ZSWIM8: variants seen among roughly 807,000 people sequenced by gnomAD.
The protein encoded by ZSWIM8 is zinc finger SWIM domain-containing protein 8.
Under a neutral mutation model 173.7 loss-of-function variants are expected in ZSWIM8, and 27 were observed. The ratio of observed to expected loss-of-function variants is 0.16; its 90% CI spans 0.11 to 0.21. ZSWIM8 has a LOEUF of 0.21. ZSWIM8 is among the 10% of genes least tolerant of loss of function. The pLI is 1.00. For synonymous variants in ZSWIM8, 958 were observed against 962.0 expected, an observed-to-expected ratio of 1.00 and a Z score of 0.08; for missense variants, 1,627 against 2,428.8, an observed-to-expected ratio of 0.67 and a Z score of 6.94.
chr10:73,800,222 G>A lies in ZSWIM8; in HGVS notation c.4825+52G>A, dbSNP rs780042134. 1 of 1,611,700 alleles carries A rather than the reference G, an allele frequency of 6.2e-7. No individual in the cohort carries two copies. Among genetic ancestry groups the A allele is most frequent in the South Asian group, 1.1e-5 (1 of 91,018 alleles). On this transcript the variant is annotated intron_variant, in intron 22 of 25. Transcript: ENST00000604729. The surrounding 1 kb of genome is among the most constrained non-coding windows in gnomAD (Gnocchi z 4.1). ...GAATGGAGGGGAGGCACACTGGGCAGGGGAGGTGGGGAGGGAATGTTCTTT... is the reference window on the plus strand; with the variant it reads ...GAATGGAGGGGAGGCACACTGGGCAAGGGAGGTGGGGAGGGAATGTTCTTT...
Position 73,793,610 on chromosome 10 carries a change from C to G in ZSWIM8, c.2336C>G (p.Ala779Gly). Residue 779 changes from alanine to glycine, a missense_variant, in exon 11 of 26, where the codon GCC (alanine) becomes GGC (glycine). Around this residue, in one of 18 missense-constraint regions of ZSWIM8, gnomAD observed 383 missense variants for 394.8 expected, o/e 0.97. Transcript: ENST00000604729. ...RMEVLFACAE[A>G]LHAHGYSSEA... ...CAGGTACTGTTTGCCTGTGCTGAGGCCCTGCATGCGCATGGCTATAGCAGT... is the reference window on the plus strand; with the variant it reads ...CAGGTACTGTTTGCCTGTGCTGAGGGCCTGCATGCGCATGGCTATAGCAGT... 4.4e-6 allele frequency: 7 copies of G among 1,605,550 alleles called. No homozygotes were observed. Among genetic ancestry groups the G allele is most frequent in the Non-Finnish European group, 6.0e-6 (7 of 1,175,750 alleles).
chr10:73,788,987 G>A, intron 2 of ZSWIM8, 109 bp from the exon 3 acceptor site: 1 of 1,262,664 alleles, frequency 7.9e-7, no homozygotes, highest in South Asian at 1.3e-5. Flanking sequence ...CCCCCGCCCT[G>A]GGGAAGGAAT....
intron 15 of ZSWIM8, among the ~76,000 whole-genome samples, chr10:73,795,962 CAAAA>C (rs34801762): frequency 1.0e-4 from 6 of 58,816 alleles, no homozygotes; most frequent in Admixed American, 2.2e-4. Context: ...GACCCTGTTT[CAAAA>C]AAAAAAAAAA....
Position 73,785,807 on chromosome 10 carries a change from C to T in ZSWIM8, c.-72C>T, listed in dbSNP as rs1204935720. Reference sequence around the variant, plus strand: ...CTCGCCCCTCAGGCCCCGGGCCTCCCCTCAACCCCCGGCCGGCGGCCCAGG... The same window carrying T: ...CTCGCCCCTCAGGCCCCGGGCCTCCTCTCAACCCCCGGCCGGCGGCCCAGG... On this transcript the variant is annotated 5_prime_UTR_variant, in exon 1 of 26. Coordinates refer to ENST00000604729, the MANE Select transcript of ZSWIM8 (RefSeq NM_001367799.1). 6 of 1,455,900 alleles carry T rather than the reference C, an allele frequency of 4.1e-6. No homozygotes were observed. The highest frequency in any genetic ancestry group is 3.0e-5 in the East Asian group (1 of 33,308). 90.2% of individuals were successfully genotyped at this position (1,455,900 alleles called of 1,614,324 possible). A position where few individuals can be genotyped will look rare whatever the true frequency, so the allele number is the denominator to read the frequency against.
At chr10:73,793,428 T>C (rs1036876107) in intron 10 of ZSWIM8, among the ~76,000 whole-genome samples, 160 bp from the exon 11 acceptor site, 5 of 152,110 alleles carry the variant, frequency 3.3e-5, no homozygotes, top group Non-Finnish European at 5.9e-5. Flanking sequence ...CGGTGGCATG[T>C]GTGTTTATGT....
At chr10:73,798,793 C>G (rs2083784768) in intron 20 of ZSWIM8, among the ~76,000 whole-genome samples, 1 of 152,150 alleles carries the variant, frequency 6.6e-6, no homozygotes, top group Admixed American at 6.5e-5. Context: ...GGAACTGGGA[C>G]TATAACCTGG....
Position 73,789,592 on chromosome 10 carries a change from C to T in ZSWIM8, c.630+53C>T. On this transcript the variant is annotated intron_variant, in intron 4 of 25. Coordinates refer to ENST00000604729, the MANE Select transcript of ZSWIM8 (RefSeq NM_001367799.1). This position sits in a 1 kb window ranked among gnomAD's most constrained non-coding sequence, Gnocchi z 6.8. ...CTATCCTACACTCCATCCCCCCCTT[C>T]TCTGCTGCATGCCTGGCTACAATGT... 1 of 1,586,310 alleles carries T rather than the reference C, an allele frequency of 6.3e-7. No individual in the cohort carries two copies. Among genetic ancestry groups the T allele is most frequent in the Non-Finnish European group, 8.6e-7 (1 of 1,165,648 alleles).
Position 73,793,654 on chromosome 10 carries a change from G to A in ZSWIM8, c.2380G>A (p.Val794Met), listed in dbSNP as rs776095303. The A allele has an allele frequency of 6.2e-7, 1 of 1,613,734 alleles. No homozygotes were observed. The change falls in exon 11 of 26, where the codon GTG becomes ATG. Residue 794 changes from valine (V) to methionine (M), a missense_variant. Coordinates refer to ENST00000604729, the MANE Select transcript of ZSWIM8 (RefSeq NM_001367799.1). ...TAGCAGTGAGGCCTCCCGTCTCACT[G>A]TGGAGCTTGCCCAGGATCTGCTAGC... ...GYSSEASRLT[V>M]ELAQDLLANP... is the part of the protein sequence containing the mutation.
In ZSWIM8 at chr10:73,800,196, T is replaced by A. The variant is rs778616355; in HGVS notation, c.4825+26T>A. 35 of 1,612,458 alleles carry A rather than the reference T, an allele frequency of 2.2e-5. 1 individual carries two copies. In the South Asian group the frequency reaches 3.6e-4, roughly 17 times the overall value. On this transcript the variant is annotated intron_variant, in intron 22 of 25. Coordinates refer to ENST00000604729, the MANE Select transcript of ZSWIM8 (RefSeq NM_001367799.1). This position sits in a 1 kb window ranked among gnomAD's most constrained non-coding sequence, Gnocchi z 4.1. ...GTGAGTTGTGGGGCCAGGGAACAGGTGAATGGAGGGGAGGCACACTGGGCA... is the reference window on the plus strand; with the variant it reads ...GTGAGTTGTGGGGCCAGGGAACAGGAGAATGGAGGGGAGGCACACTGGGCA...
intron 7 of ZSWIM8, 121 bp downstream of exon 7, chr10:73,790,413 A>C: frequency 7.2e-7 from 1 of 1,392,836 alleles, no homozygotes; most frequent in Non-Finnish European, 9.7e-7. Flanking sequence ...GAACTGGCAC[A>C]GTGCCTGGCA....
At position 73,791,320 on chromosome 10, in the gene ZSWIM8, C is replaced by A. The variant is rs779090695; in HGVS notation, c.1144-4C>A. ...GTGCAGCTCACAGCCTTCTTTGTCTCCAGATAACAGGTTGGTGGTATAGCG... is the reference window on the plus strand; with the variant it reads ...GTGCAGCTCACAGCCTTCTTTGTCTACAGATAACAGGTTGGTGGTATAGCG... On this transcript the variant is annotated splice_polypyrimidine_tract_variant and splice_region_variant and intron_variant, in intron 8 of 25. Coordinates refer to ENST00000604729, the MANE Select transcript of ZSWIM8 (RefSeq NM_001367799.1). The surrounding 1 kb of genome is among the most constrained non-coding windows in gnomAD (Gnocchi z 6.0). 2 of 1,598,446 alleles carry A rather than the reference C, an allele frequency of 1.3e-6. No homozygotes were observed. Among genetic ancestry groups the A allele is most frequent in the East Asian group, 2.3e-5 (1 of 44,402 alleles).
Position 73,792,156 on chromosome 10 carries a change from T to C in ZSWIM8, c.1617T>C (p.Ala539=). ...CCCGACCCCTTCCTACTGAGCCAGCTGTGCGGCCCAAGGAGCCTGGGACCA... is the reference window on the plus strand; with the variant it reads ...CCCGACCCCTTCCTACTGAGCCAGCCGTGCGGCCCAAGGAGCCTGGGACCA... ...DRPRPLPTEP[A]VRPKEPGTKR... The change falls in exon 10 of 26, where the codon GCT becomes GCC. Residue 539 remains alanine (A), a synonymous_variant. Coordinates refer to ENST00000604729, the MANE Select transcript of ZSWIM8 (RefSeq NM_001367799.1). The surrounding 1 kb of genome is among the most constrained non-coding windows in gnomAD (Gnocchi z 4.3). 2.6e-6 allele frequency: 4 copies of C among 1,529,010 alleles called. No individual in the cohort carries two copies. The highest frequency in any genetic ancestry group is 3.5e-6 in the Non-Finnish European group (4 of 1,138,966). The allele number at this position is 1,529,010 out of a possible 1,614,324, so 94.7% of individuals were successfully genotyped here.
chr10:73,796,273 C>T (rs2083649007), intron 15 of ZSWIM8: 2 of 262,856 alleles, frequency 7.6e-6, no homozygotes, highest in East Asian at 1.2e-4. Flanking sequence ...TGCTTGAGCC[C>T]AGGAGTTTGA....
chr10:73,796,309 A>G (rs572271070), intron 15 of ZSWIM8: 38 of 388,366 alleles, frequency 9.8e-5, no homozygotes, highest in African/African-American at 6.9e-4. Flanking sequence ...TAATCATACC[A>G]CTGCACTCCA....
chr10:73,795,568 C>T lies in ZSWIM8; in HGVS notation c.2938C>T (p.His980Tyr). The change falls in exon 15 of 26, where the codon CAT (histidine) becomes TAT (tyrosine). Residue 980 changes from histidine (H) to tyrosine (Y), a missense_variant. By Grantham distance (83) the His-to-Tyr change is moderately conservative. This residue lies in a region of ZSWIM8 where 4 missense variants were observed against 28.3 expected (regional missense o/e 0.14). Transcript: ENST00000604729. ...GAAGACAACAGTGAGCGAGGCAGAA[C>T]ATCCCCTCTTATGTGAAGGCACACG... Reference protein sequence around the residue: ...GMKTTVSEAEHPLLCEGTRRE... With the variant: ...GMKTTVSEAEYPLLCEGTRRE... The T allele has an allele frequency of 1.2e-6, 2 of 1,613,998 alleles. No homozygotes were observed. The highest frequency in any genetic ancestry group is 1.6e-4 in the Middle Eastern group (1 of 6,062).
Position 73,785,679 on chromosome 10 carries a change from T to C in ZSWIM8, c.-200T>C. On this transcript the variant is annotated 5_prime_UTR_variant, in exon 1 of 26. Transcript: ENST00000604729. ...CTCGGAGACTGGCCAAGATCACCGC[T>C]TGCACCGCGCTGTTGGGCGAGGCCC... 1.5e-6 allele frequency: 1 copy of C among 657,252 alleles called. No individual in the cohort carries two copies. Among genetic ancestry groups the C allele is most frequent in the Non-Finnish European group, 2.8e-6 (1 of 358,148 alleles). 40.7% of individuals were successfully genotyped at this position (657,252 alleles called of 1,614,324 possible). A position where few individuals can be genotyped will look rare whatever the true frequency, so the allele number is the denominator to read the frequency against.
chr10:73,787,375 T>G (rs1371815221), intron 1 of ZSWIM8, among the ~76,000 whole-genome samples: 2 of 152,248 alleles, frequency 1.3e-5, no homozygotes, highest in Non-Finnish European at 2.9e-5. Flanking sequence ...TGTGGCCTTC[T>G]GGCTTCTTTC....
chr10:73,794,662 A>T, intron 14 of ZSWIM8, 23 bp downstream of exon 14: 1 of 1,541,768 alleles, frequency 6.5e-7, no homozygotes, highest in Non-Finnish European at 8.8e-7. Context: ...CATATCAACG[A>T]GCTAAGCCTG....
In ZSWIM8 at chr10:73,801,784, T is replaced by C; in HGVS notation, c.*265T>C. On this transcript the variant is annotated 3_prime_UTR_variant, in exon 26 of 26. Coordinates refer to ENST00000604729, the MANE Select transcript of ZSWIM8 (RefSeq NM_001367799.1). The surrounding 1 kb of genome is among the most constrained non-coding windows in gnomAD (Gnocchi z 4.9). ...GCATTTATAAATATATAAACTCCTT[T>C]TTTACTCTAGTCGACCTGGGCCTTT... 7.0e-7 allele frequency: 1 copy of C among 1,430,804 alleles called. No individual in the cohort carries two copies. Among genetic ancestry groups the C allele is most frequent in the Non-Finnish European group, 9.2e-7 (1 of 1,086,564 alleles). The allele number at this position is 1,430,804 out of a possible 1,614,324, so 88.6% of individuals were successfully genotyped here.
Sources: gnomAD v4.1 joint callset for allele counts (sites outside exome capture counted in the v4.1 genomes callset) on GRCh38, gnomAD v4.1.1 for gene constraint, gnomAD v4.1.1 regional missense constraint, Gnocchi (gnomAD v3.1) non-coding constraint, MANE v1.5 for transcripts, NCBI Gene and HGNC (gene_info 2026-07-23, HGNC 2026-07-21) for gene names.